SORCS1: variants seen among roughly 807,000 people sequenced by gnomAD.
SORCS1 encodes the protein sortilin related VPS10 domain containing receptor 1, also known as VPS10 domain-containing receptor SorCS1.
SORCS1 carries 60 observed loss-of-function variants against 146.1 expected under a neutral mutation model. That is an observed-to-expected ratio of 0.41 (90% CI 0.33 to 0.51). SORCS1 has a LOEUF of 0.51. Ranked by LOEUF, SORCS1 falls within the 20% of genes least tolerant of loss-of-function variation. The pLI, the probability that SORCS1 is intolerant of heterozygous loss-of-function variation, is 0.21. For missense variants in SORCS1, 1,352 were observed against 1,487.6 expected, an observed-to-expected ratio of 0.91 and a Z score of 1.50; for synonymous variants, 637 against 584.0, an observed-to-expected ratio of 1.09 and a Z score of -1.31.
rs141621312 is a variant in SORCS1, at chr10:107,006,864, G to T, written c.559-50284C>A. Among the ~76,000 whole-genome samples the T allele has an allele frequency of 8.5e-5, 13 of 152,226 alleles. No homozygotes were observed. In the East Asian group the frequency reaches 2.5e-3, roughly 29 times the overall value. ...TCATAGTACCTCCCACAGAACTGCAGATTCTTCTATTATTCTCATTCCTTT... is the reference window on the plus strand; with the variant it reads ...TCATAGTACCTCCCACAGAACTGCATATTCTTCTATTATTCTCATTCCTTT... On this transcript the variant is annotated intron_variant, in intron 1 of 25. Coordinates refer to ENST00000263054, the MANE Select transcript of SORCS1 (RefSeq NM_052918.5).
At chr10:107,152,420 A>G (rs1454682371) in intron 1 of SORCS1, among the ~76,000 whole-genome samples, 2 of 152,228 alleles carry the variant, frequency 1.3e-5, no homozygotes, top group East Asian at 3.9e-4. Context: ...CCAGAATGGT[A>G]GATCCACCGA....
At chr10:106,839,012 T>C (rs1019520099) in intron 2 of SORCS1, among the ~76,000 whole-genome samples, 5 of 152,154 alleles carry the variant, frequency 3.3e-5, no homozygotes, top group African/African-American at 1.2e-4. Flanking sequence ...CTATTCCCTA[T>C]CCCTTTCTCC....
At chr10:107,023,383 T>A (rs1333573370) in intron 1 of SORCS1, among the ~76,000 whole-genome samples, 1 of 152,198 alleles carries the variant, frequency 6.6e-6, no homozygotes, top group East Asian at 1.9e-4. Flanking sequence ...AAACCACTTC[T>A]CTGGGGATTT....
upstream of SORCS1, among the ~76,000 whole-genome samples, chr10:107,164,780 G>A (rs1242912898): frequency 2.0e-5 from 3 of 148,806 alleles, no homozygotes; most frequent in Non-Finnish European, 4.5e-5. The surrounding 1 kb of genome is among the most constrained non-coding windows in gnomAD (Gnocchi z 6.8). Context: ...CTGGCGGAGC[G>A]GGCGCGGGCG....
Position 106,612,603 on chromosome 10 carries a change from T to A in SORCS1, c.2921-580A>T, listed in dbSNP as rs76158260. The stretch of plus-strand genomic sequence containing the variant: ...ACAGAGGGATACGTGGGGGCAGCCA[T>A]GTTGCCAGTCACATGTGAGGGCAAG... On this transcript the variant is annotated intron_variant, in intron 21 of 25. Transcript: ENST00000263054. Among the ~76,000 whole-genome samples, 31 of 151,826 alleles carry A rather than the reference T, an allele frequency of 2.0e-4. No homozygotes were observed. In the East Asian group the frequency reaches 5.2e-3, roughly 26 times the overall value.
chr10:107,144,904 C>T (rs1968177710), intron 1 of SORCS1, among the ~76,000 whole-genome samples: 1 of 152,206 alleles, frequency 6.6e-6, no homozygotes, highest in African/African-American at 2.4e-5. Context: ...CAAATATCCA[C>T]ATCACGCTGT....
rs780918645 is a variant in SORCS1 at position 106,597,383 on chromosome 10, C to G, written c.3233G>C (p.Arg1078Pro). 1.2e-6 allele frequency: 2 copies of G among 1,613,984 alleles called. No homozygotes were observed. The highest frequency in any genetic ancestry group is 2.2e-5 in the South Asian group (2 of 91,068). Reference protein sequence around the residue: ...SVHFELKPGVRVLVHAAHLTA... With the variant: ...SVHFELKPGVPVLVHAAHLTA... ...TAAGTGAGCAGCATGGACAAGGACT[C>G]GGACTCCTGGCTTCAGCTCGAAGTG... The change falls in exon 24 of 26, where the codon CGA becomes CCA. Residue 1078 changes from arginine to proline, a missense_variant. Coordinates refer to ENST00000263054, the MANE Select transcript of SORCS1 (RefSeq NM_052918.5).
At chr10:106,963,317 G>T (rs10884394) in intron 1 of SORCS1, among the ~76,000 whole-genome samples, 1 of 151,392 alleles carries the variant, frequency 6.6e-6, no homozygotes, top group Non-Finnish European at 1.5e-5. Flanking sequence ...GGGTTTCACC[G>T]TGTTAGCCAG....
the SORCS1 span, among the ~76,000 whole-genome samples, chr10:107,170,780 A>C: frequency 6.6e-6 from 1 of 152,348 alleles, no homozygotes; most frequent in Non-Finnish European, 1.5e-5. Flanking sequence ...TCCCAACAGT[A>C]TGCTAAGCTC....
At chr10:106,595,198 A>T (rs1845835171) in intron 24 of SORCS1, among the ~76,000 whole-genome samples, 2 of 152,194 alleles carry the variant, frequency 1.3e-5, no homozygotes, top group Non-Finnish European at 2.9e-5. Context: ...CCAGCATACG[A>T]TTCAGAAAGT....
chr10:107,085,179 T>A (rs1162604637), intron 1 of SORCS1, among the ~76,000 whole-genome samples: 2 of 152,242 alleles, frequency 1.3e-5, no homozygotes, highest in East Asian at 3.8e-4. Context: ...GACAGAGATG[T>A]CACTAAATAT....
chr10:107,178,309 C>A, the SORCS1 span, among the ~76,000 whole-genome samples: 2 of 152,170 alleles, frequency 1.3e-5, no homozygotes, highest in East Asian at 3.9e-4. Flanking sequence ...TTCCTAGCCT[C>A]TGATAACTAT....
At chr10:106,938,803 A>G (rs1418879086) in intron 2 of SORCS1, among the ~76,000 whole-genome samples, 2 of 152,338 alleles carry the variant, frequency 1.3e-5, no homozygotes, top group African/African-American at 4.8e-5. Context: ...GGAGCTGCCA[A>G]AATGGGAACT....
At chr10:106,976,337 T>TG (rs1554901361) in intron 1 of SORCS1, among the ~76,000 whole-genome samples, 6,488 of 140,412 alleles carry the variant, frequency 0.046, 538 homozygotes, top group African/African-American at 0.17. Context: ...TTTTTTGTTT[T>TG]TTTTTTTTTT....
intron 3 of SORCS1, among the ~76,000 whole-genome samples, chr10:106,794,282 T>C (rs1197325193): frequency 6.6e-6 from 1 of 152,150 alleles, no homozygotes; most frequent in Non-Finnish European, 1.5e-5. Flanking sequence ...TCATCTTTTG[T>C]TATCTTGTTA....
chr10:106,676,544 A>G (rs906244515), intron 13 of SORCS1, among the ~76,000 whole-genome samples: 1 of 152,158 alleles, frequency 6.6e-6, no homozygotes, highest in African/African-American at 2.4e-5. Flanking sequence ...TGCTGAGAGA[A>G]TAATATACTG....
chr10:106,843,627 G>C (rs1194048997), intron 2 of SORCS1, among the ~76,000 whole-genome samples: 1 of 152,022 alleles, frequency 6.6e-6, no homozygotes, highest in East Asian at 1.9e-4. Flanking sequence ...AGTAGAGACG[G>C]GATTTCACCG....
At chr10:106,778,913 C>T (rs1438097896) in intron 3 of SORCS1, among the ~76,000 whole-genome samples, 3 of 152,106 alleles carry the variant, frequency 2.0e-5, no homozygotes, top group Non-Finnish European at 4.4e-5. Flanking sequence ...ACAAACTAGG[C>T]CTACAGAATA....
chr10:106,580,179 G>A lies in SORCS1; in HGVS notation c.3266-705C>T, dbSNP rs141406688. ...TATTTTTGTACACAGGAAACTGATG[G>A]CCAAGTGAGTATTTCACGAGGGTAG... On this transcript the variant is annotated intron_variant, in intron 24 of 25. Coordinates refer to ENST00000263054, the MANE Select transcript of SORCS1 (RefSeq NM_052918.5). Among the ~76,000 whole-genome samples, 39 of 152,260 alleles carry A rather than the reference G, an allele frequency of 2.6e-4. No individual in the cohort carries two copies. The East Asian group carries it at 5.4e-3, about 21-fold the overall frequency.
Sources: gnomAD v4.1 joint callset for allele counts (sites outside exome capture counted in the v4.1 genomes callset) on GRCh38, gnomAD v4.1.1 for gene constraint, Gnocchi (gnomAD v3.1) non-coding constraint, MANE v1.5 for transcripts, NCBI Gene and HGNC (gene_info 2026-07-23, HGNC 2026-07-21) for gene names.